The following GRIPAP1 variants were observed in gnomAD, a reference collection of about 807,000 sequenced individuals.
GRIPAP1 encodes GRIP1-associated protein 1.
GRIPAP1 carries 14 observed loss-of-function variants against 84.1 expected under a neutral mutation model. That is an observed-to-expected ratio of 0.17 (90% CI 0.11 to 0.26). The LOEUF (loss-of-function observed/expected upper bound fraction) is 0.26. Ranked by LOEUF, GRIPAP1 falls within the 10% of genes least tolerant of loss-of-function variation. GRIPAP1 has a pLI of 1.00. For missense variants in GRIPAP1, 518 were observed against 674.2 expected, an observed-to-expected ratio of 0.77 and a Z score of 2.57; for synonymous variants, 261 against 256.8, an observed-to-expected ratio of 1.02 and a Z score of -0.15.
At chrX:48,985,561 T>C (rs1257132787) in intron 13 of GRIPAP1, among the ~76,000 whole-genome samples, 159 bp from the exon 14 acceptor site, 1 of 111,007 alleles carries the variant, frequency 9.0e-6, no homozygotes, top group African/African-American at 3.3e-5. Context: ...AGAGAATGGG[T>C]AAATGTGGTA....
At chrX:48,985,811 T>C (rs1212136251) in intron 13 of GRIPAP1, among the ~76,000 whole-genome samples, 1 of 110,122 alleles carries the variant, frequency 9.1e-6, no homozygotes, top group Non-Finnish European at 1.9e-5. Context: ...TAAAAGTGCT[T>C]TATACTTTGA....
chrX:48,983,874 A>C lies in GRIPAP1; in HGVS notation c.1177-4T>G. 9.2e-7 allele frequency: 1 copy of C among 1,091,332 alleles called. No homozygotes were observed. The highest frequency in any genetic ancestry group is 1.3e-6 in the Non-Finnish European group (1 of 785,725). 89.9% of individuals were successfully genotyped at this position (1,091,332 alleles called of 1,213,427 possible). A position where few individuals can be genotyped will look rare whatever the true frequency, so the allele number is the denominator to read the frequency against. ...GACTATTGGCCCGTAATGACTCCTA[A>C]TGCAGACACCAAAGGGAAAGAGTTT... On this transcript the variant is annotated splice_polypyrimidine_tract_variant and splice_region_variant and intron_variant, in intron 14 of 25. Coordinates refer to ENST00000376423, the MANE Select transcript of GRIPAP1 (RefSeq NM_020137.5).
chrX:48,997,158 G>A (rs2064551350), intron 5 of GRIPAP1, 92 bp downstream of exon 5: 4 of 558,690 alleles, frequency 7.2e-6, no homozygotes, highest in African/African-American at 4.4e-5. Flanking sequence ...TCCAGGGCCA[G>A]ACCCTGTCCA....
intron 3 of GRIPAP1, among the ~76,000 whole-genome samples, chrX:48,998,715 T>C (rs1325932506): frequency 6.2e-5 from 7 of 112,531 alleles, no homozygotes; most frequent in Non-Finnish European, 1.3e-4. Flanking sequence ...CAAATATTTA[T>C]TGAGCACATA....
chrX:48,976,279 C>T lies in GRIPAP1; in HGVS notation c.2146G>A (p.Ala716Thr), dbSNP rs2064422213. Residue 716 changes from alanine to threonine, a missense_variant, in exon 23 of 26, where the codon GCA becomes ACA. Around this residue, in one of 5 missense-constraint regions of GRIPAP1, gnomAD observed 66 missense variants for 65.2 expected, o/e 1.01. Transcript: ENST00000376423. Reference protein sequence around the residue: ...EEVAELFQRLAETQQEKWMLE... With the variant: ...EEVAELFQRLTETQQEKWMLE... ...ATCCATTTCTCCTGCTGTGTCTCTGCCAGCCGCTGAAAGAGCTCAGCCACT... is the reference window on the plus strand; with the variant it reads ...ATCCATTTCTCCTGCTGTGTCTCTGTCAGCCGCTGAAAGAGCTCAGCCACT... The T allele has an allele frequency of 8.5e-7, 1 of 1,176,645 alleles. No individual in the cohort carries two copies.
intron 5 of GRIPAP1, 109 bp from the exon 6 acceptor site, chrX:48,993,687 G>A (rs2064531943): frequency 1.8e-6 from 1 of 569,781 alleles, no homozygotes; most frequent in Non-Finnish European, 2.5e-6. Flanking sequence ...TTCCCATAAT[G>A]ACCCTATGAT....
chrX:48,994,093 C>A (rs930537915), intron 5 of GRIPAP1, among the ~76,000 whole-genome samples: 3 of 111,648 alleles, frequency 2.7e-5, no homozygotes, highest in Non-Finnish European at 3.8e-5. Flanking sequence ...AGCCAGCCCC[C>A]TGCCCAACTC....
intron 11 of GRIPAP1, 24 bp downstream of exon 11, chrX:48,989,587 A>T (rs782644183): frequency 6.7e-6 from 7 of 1,047,252 alleles, no homozygotes; most frequent in Non-Finnish European, 6.7e-6. Context: ...TACCCCAGGG[A>T]TCTCAGAACC....
At chrX:48,978,130 T>C (rs180775677) in intron 22 of GRIPAP1, 175 bp downstream of exon 22, 1 of 441,044 alleles carries the variant, frequency 2.3e-6, no homozygotes, top group East Asian at 3.9e-5. Context: ...ATGACTGGCC[T>C]GTCCTGCATG....
chrX:48,974,351 G>A (rs2064411396), intron 25 of GRIPAP1, 66 bp from the exon 26 acceptor site: 4 of 672,364 alleles, frequency 5.9e-6, no homozygotes, highest in Middle Eastern at 6.0e-4. Context: ...CAAACGTAGG[G>A]TATCATCTGT....
intron 22 of GRIPAP1, chrX:48,978,051 C>T (rs2064432426): frequency 6.5e-6 from 2 of 308,697 alleles, no homozygotes; most frequent in Non-Finnish European, 1.2e-5. Flanking sequence ...CTATGAGCCA[C>T]ATAATTTATG....
chrX:48,984,879 G>A (rs991559990), intron 14 of GRIPAP1, among the ~76,000 whole-genome samples: 5 of 107,807 alleles, frequency 4.6e-5, no homozygotes, highest in Admixed American at 3.0e-4. Context: ...AAAATTAGCT[G>A]GGCATGGTGG....
intron 1 of GRIPAP1, among the ~76,000 whole-genome samples, chrX:49,000,364 CAAAAAAAAAA>C (rs1156902802): frequency 4.5e-5 from 1 of 22,215 alleles, no homozygotes. Flanking sequence ...GACTCTGTCT[CAAAAAAAAAA>C]AAAAAAAAAA....
At position 48,981,570 on chromosome X, in the gene GRIPAP1, T is replaced by TCTGGGGCTGTGC. The variant is rs782050326; in HGVS notation, c.1773+14_1773+25dup. 22 of 1,173,439 alleles carry TCTGGGGCTGTGC rather than the reference T, an allele frequency of 1.9e-5. No homozygotes were observed. In the South Asian group the frequency reaches 3.9e-4, roughly 21 times the overall value. On this transcript the variant is annotated intron_variant, in intron 19 of 25. Transcript: ENST00000376423. ...CTGTACGCTGAGGATCAGGGGTGTG[T>TCTGGGGCTGTGC]CTGGGGCTGTGCAGTGACCACTGAC... is the stretch of plus-strand genomic sequence containing the variant.
intron 24 of GRIPAP1, 195 bp downstream of exon 24, chrX:48,975,823 T>C (rs1325821806): frequency 2.3e-6 from 1 of 431,541 alleles, no homozygotes; most frequent in Non-Finnish European, 4.1e-6. Context: ...AGTGGAGAGA[T>C]GACAGAGAAA....
rs1371024190 is a variant in GRIPAP1 at position 48,981,281 on chromosome X, G to A, written c.1864C>T (p.Arg622Trp). ...TCCTGCAGCTTATCTGCCCGTTTCC[G>A]CTCCAAATGCAGCTGCCGCTTGAGG... ...KDLKRQLHLE[R>W]KRADKLQERL... Residue 622 changes from arginine (R) to tryptophan (W), a missense_variant, in exon 21 of 26, where the codon CGG (arginine) becomes TGG (tryptophan). Physicochemically the swap from Arg to Trp is moderately radical, Grantham distance 101. This residue lies in a region of GRIPAP1 where 18 missense variants were observed against 44.8 expected (regional missense o/e 0.40). Coordinates refer to ENST00000376423, the MANE Select transcript of GRIPAP1 (RefSeq NM_020137.5). The A allele has an allele frequency of 2.5e-6, 3 of 1,209,119 alleles. No homozygotes were observed. The highest frequency in any genetic ancestry group is 1.7e-5 in the African/African-American group (1 of 57,396).
chrX:48,983,776 T>A lies in GRIPAP1; in HGVS notation c.1271A>T (p.Lys424Met). Residue 424 changes from lysine to methionine, a missense_variant and splice_region_variant, in exon 15 of 26, where the codon AAG (lysine) becomes ATG (methionine). By Grantham distance (95) the Lys-to-Met change is moderately conservative (BLOSUM62 -1). Transcript: ENST00000376423. ...CCTTCAACCCTCATGTTCCCCTACCTTCCGAGCCTCCTGTAATTCCTGGGT... is the reference window on the plus strand; with the variant it reads ...CCTTCAACCCTCATGTTCCCCTACCATCCGAGCCTCCTGTAATTCCTGGGT... ...QLTQELQEAR[K>M]SAEKRKAMLD... 1 of 1,137,335 alleles carries A rather than the reference T, an allele frequency of 8.8e-7. No individual in the cohort carries two copies. The highest frequency in any genetic ancestry group is 1.2e-6 in the Non-Finnish European group (1 of 827,824). 93.7% of individuals were successfully genotyped at this position (1,137,335 alleles called of 1,213,427 possible). A position where few individuals can be genotyped will look rare whatever the true frequency, so the allele number is the denominator to read the frequency against.
At position 48,974,021 on chromosome X, in the gene GRIPAP1, C is replaced by T; in HGVS notation, c.*172G>A. The T allele has an allele frequency of 2.7e-6, 1 of 373,601 alleles. No individual in the cohort carries two copies. Among genetic ancestry groups the T allele is most frequent in the Non-Finnish European group, 4.8e-6 (1 of 210,228 alleles). The allele number at this position is 373,601 out of a possible 1,213,427, so 30.8% of individuals were successfully genotyped here. Reference sequence around the variant, plus strand: ...CTCAGGATCCCCACTCCCTGGTGGCCTCTGCCCTAAGACAGGATCATTAAC... The same window carrying T: ...CTCAGGATCCCCACTCCCTGGTGGCTTCTGCCCTAAGACAGGATCATTAAC... On this transcript the variant is annotated 3_prime_UTR_variant, in exon 26 of 26. Coordinates refer to ENST00000376423, the MANE Select transcript of GRIPAP1 (RefSeq NM_020137.5).
chrX:49,002,117 T>C, intron 1 of GRIPAP1, 71 bp downstream of exon 1: 1 of 671,930 alleles, frequency 1.5e-6, no homozygotes, highest in Non-Finnish European at 2.4e-6. Context: ...TTCTCAGAGC[T>C]GATAGCACGA....
Sources: gnomAD v4.1 joint callset for allele counts (sites outside exome capture counted in the v4.1 genomes callset) on GRCh38, gnomAD v4.1.1 for gene constraint, gnomAD v4.1.1 regional missense constraint, MANE v1.5 for transcripts, NCBI Gene and HGNC (gene_info 2026-07-23, HGNC 2026-07-21) for gene names.